The following TMEM132B variants were observed in gnomAD, a reference collection of about 807,000 sequenced individuals.
TMEM132B encodes transmembrane protein 132B.
A neutral mutation model predicts 90.8 loss-of-function variants in TMEM132B; 18 were observed. The ratio of observed to expected loss-of-function variants is 0.20; its 90% CI spans 0.14 to 0.29. TMEM132B has a LOEUF of 0.29. Ranked by LOEUF, TMEM132B falls within the 10% of genes least tolerant of loss-of-function variation. The pLI, the probability that TMEM132B is intolerant of heterozygous loss-of-function variation, is 1.00. For synonymous variants in TMEM132B, 504 were observed against 523.3 expected (o/e 0.96, Z 0.50); for missense variants, 1,096 against 1,326.8 (o/e 0.83, Z 2.70).
At chr12:125,307,957 ATATATTAAGTAATATAAG>A (rs1377231512) in intron 1 of TMEM132B, among the ~76,000 whole-genome samples, 6 of 136,162 alleles carry the variant, frequency 4.4e-5, no homozygotes, top group Non-Finnish European at 7.6e-5. Flanking sequence ...ACAAGTATAT[ATATATTAAGTAATATAAG>A]TATATTAAGT....
chr12:125,580,938 A>G (rs561822579), intron 4 of TMEM132B, among the ~76,000 whole-genome samples: 2 of 152,306 alleles, frequency 1.3e-5, no homozygotes, highest in South Asian at 2.1e-4. Context: ...ATTTCAATGT[A>G]ATATTTACCA....
At chr12:125,453,490 T>C (rs1247498151) in intron 3 of TMEM132B, among the ~76,000 whole-genome samples, 3 of 152,228 alleles carry the variant, frequency 2.0e-5, no homozygotes, top group Admixed American at 6.5e-5. Flanking sequence ...CTCATACATT[T>C]ATAATATTAT....
intron 2 of TMEM132B, 67 bp downstream of exon 2, chr12:125,350,410 A>G: frequency 6.7e-7 from 1 of 1,498,418 alleles, no homozygotes. Flanking sequence ...TTGTCAATGA[A>G]TAAAATGGGT....
chr12:125,240,587 C>A (rs1337972365), intron 1 of TMEM132B, among the ~76,000 whole-genome samples: 1 of 152,080 alleles, frequency 6.6e-6, no homozygotes, highest in Non-Finnish European at 1.5e-5. Flanking sequence ...CAGCATTGAC[C>A]TCTTGGTTCA....
At chr12:125,317,233 G>A (rs879762359) in intron 1 of TMEM132B, among the ~76,000 whole-genome samples, 11 of 152,130 alleles carry the variant, frequency 7.2e-5, no homozygotes, top group Non-Finnish European at 1.6e-4. Flanking sequence ...GAGAGGATTA[G>A]CATGGGTTGG....
At chr12:125,196,510 C>A (rs1291801103) in intron 1 of TMEM132B, among the ~76,000 whole-genome samples, 2 of 152,318 alleles carry the variant, frequency 1.3e-5, no homozygotes, top group Middle Eastern at 6.8e-3. Context: ...GAATTCAAGA[C>A]CAACCTGGCC....
chr12:125,262,634 T>G (rs979975386), intron 1 of TMEM132B, among the ~76,000 whole-genome samples: 1 of 152,220 alleles, frequency 6.6e-6, no homozygotes, highest in Non-Finnish European at 1.5e-5. Flanking sequence ...ATTCTTGAAC[T>G]ATAGTTTTTC....
intron 4 of TMEM132B, among the ~76,000 whole-genome samples, chr12:125,528,093 T>A (rs1883543196): frequency 1.3e-5 from 2 of 152,128 alleles, no homozygotes; most frequent in African/African-American, 2.4e-5. Context: ...ATCGTCTTTT[T>A]GCCCCCTCTC....
intron 1 of TMEM132B, among the ~76,000 whole-genome samples, chr12:125,219,118 T>C (rs899538377): frequency 1.3e-5 from 2 of 152,226 alleles, no homozygotes; most frequent in African/African-American, 2.4e-5. Context: ...TTGCTCAAGA[T>C]ATATTGCTGG....
In TMEM132B at chr12:125,362,709, C is replaced by T. The variant is rs558322497; in HGVS notation, c.959+12366C>T. ...TTTAGGTACCTCATAGAATGGAAACCATGCAGTATTTGTCCTTCTATAATT... is the reference window on the plus strand; with the variant it reads ...TTTAGGTACCTCATAGAATGGAAACTATGCAGTATTTGTCCTTCTATAATT... On this transcript the variant is annotated intron_variant, in intron 2 of 8. Coordinates refer to ENST00000682704, the MANE Select transcript of TMEM132B (RefSeq NM_001366854.1). Among the ~76,000 whole-genome samples, 238 of 152,304 alleles carry T rather than the reference C, an allele frequency of 1.6e-3. 1 individual carries two copies. Among genetic ancestry groups the T allele is most frequent in the Non-Finnish European group, 2.3e-3 (159 of 68,010 alleles).
intron 3 of TMEM132B, among the ~76,000 whole-genome samples, chr12:125,439,292 A>G (rs995134144): frequency 1.3e-5 from 2 of 152,186 alleles, no homozygotes; most frequent in South Asian, 2.1e-4. Flanking sequence ...AATTATTCCT[A>G]TCCATGAGTG....
rs540784704 is a variant in TMEM132B, at chr12:125,620,885, C to T, written c.1438-23191C>T. Among the ~76,000 whole-genome samples the T allele has an allele frequency of 5.9e-5, 9 of 152,308 alleles. No individual in the cohort carries two copies. In the East Asian group the frequency reaches 1.7e-3, roughly 29 times the overall value. On this transcript the variant is annotated intron_variant, in intron 5 of 8. Transcript: ENST00000682704. ...CTGCCCCAATGATTCCATTGCCTCC[C>T]ACTGAGTCCCTCCAATGACATGTGG...
chr12:125,450,459 C>T (rs536547620), intron 3 of TMEM132B, among the ~76,000 whole-genome samples: 3 of 152,006 alleles, frequency 2.0e-5, no homozygotes, highest in Non-Finnish European at 2.9e-5. Context: ...TTCACAAACC[C>T]GTGTAGATAA....
At chr12:125,590,067 C>T (rs2136889949) in intron 5 of TMEM132B, among the ~76,000 whole-genome samples, 1 of 152,226 alleles carries the variant, frequency 6.6e-6, no homozygotes, top group East Asian at 1.9e-4. Context: ...GTGTGTGGCA[C>T]CTCCTCACTC....
At chr12:125,580,954 A>G (rs1885041924) in intron 4 of TMEM132B, among the ~76,000 whole-genome samples, 1 of 152,190 alleles carries the variant, frequency 6.6e-6, no homozygotes, top group Non-Finnish European at 1.5e-5. Context: ...TACCATGCTA[A>G]ATTGCTTTCT....
At chr12:125,595,598 AC>A (rs934781269) in intron 5 of TMEM132B, among the ~76,000 whole-genome samples, 7 of 152,232 alleles carry the variant, frequency 4.6e-5, no homozygotes, top group Non-Finnish European at 8.8e-5. Context: ...AATCGCAATT[AC>A]GTTTGCACCA....
intron 5 of TMEM132B, chr12:125,584,254 T>C (rs1885125449): frequency 4.1e-6 from 2 of 490,410 alleles, no homozygotes; most frequent in African/African-American, 3.9e-5. Flanking sequence ...TTTATTCTCC[T>C]CCCCTTCTTG....
intron 4 of TMEM132B, among the ~76,000 whole-genome samples, chr12:125,568,364 TC>T (rs1884710690): frequency 6.6e-6 from 1 of 152,214 alleles, no homozygotes. Context: ...ATCCATCCCC[TC>T]CAGCACTTCT....
At chr12:125,317,946 A>G (rs1876328075) in intron 1 of TMEM132B, among the ~76,000 whole-genome samples, 1 of 152,210 alleles carries the variant, frequency 6.6e-6, no homozygotes, top group South Asian at 2.1e-4. Flanking sequence ...AGAAGCTTGG[A>G]ACCAACCTAA....
Sources: gnomAD v4.1 joint callset for allele counts (sites outside exome capture counted in the v4.1 genomes callset) on GRCh38, gnomAD v4.1.1 for gene constraint, MANE v1.5 for transcripts, NCBI Gene and HGNC (gene_info 2026-07-23, HGNC 2026-07-21) for gene names.